The following RNF214 variants were observed in gnomAD, a reference collection of about 807,000 sequenced individuals.
The protein encoded by RNF214 is ring finger protein 214.
A neutral mutation model predicts 75.9 loss-of-function variants in RNF214; 25 were observed. The ratio of observed to expected loss-of-function variants is 0.33; its 90% CI spans 0.24 to 0.46. The LOEUF (loss-of-function observed/expected upper bound fraction) is 0.46, where lower values mean the gene tolerates loss of function less well. Among genes scored for constraint, RNF214 ranks in the 20% least tolerant of loss-of-function variants. The pLI, the probability that RNF214 is intolerant of heterozygous loss-of-function variation, is 1.00. For missense variants in RNF214, 725 were observed against 857.5 expected (o/e 0.85, Z 1.93); for synonymous variants, 314 against 308.8 (o/e 1.02, Z -0.18).
chr11:117,236,487 T>A (rs566192291), intron 2 of RNF214, among the ~76,000 whole-genome samples: 2 of 152,126 alleles, frequency 1.3e-5, no homozygotes, highest in South Asian at 4.1e-4. Context: ...TTGTCCAGGA[T>A]GGTCTCGATC....
chr11:117,251,809 G>T (rs1377686523), intron 6 of RNF214, among the ~76,000 whole-genome samples: 2 of 152,176 alleles, frequency 1.3e-5, no homozygotes, highest in Non-Finnish European at 2.9e-5. Flanking sequence ...TAGAGATATT[G>T]AAGGATTTTA....
intron 4 of RNF214, among the ~76,000 whole-genome samples, chr11:117,243,844 C>T (rs751255626): frequency 2.3e-4 from 35 of 152,290 alleles, no homozygotes; most frequent in Non-Finnish European, 4.3e-4. Flanking sequence ...CTGGAGCCAC[C>T]GTGCCTTGCC....
At chr11:117,245,492 A>T (rs1487727246) in intron 5 of RNF214, among the ~76,000 whole-genome samples, 1 of 151,222 alleles carries the variant, frequency 6.6e-6, no homozygotes, top group Non-Finnish European at 1.5e-5. Context: ...GGCGCCCGCC[A>T]CTACGCCCGG....
chr11:117,235,917 G>A lies in RNF214; in HGVS notation c.107+1538G>A, dbSNP rs534858314. Among the ~76,000 whole-genome samples the A allele has an allele frequency of 2.0e-5, 3 of 152,060 alleles. No homozygotes were observed. In the South Asian group the frequency reaches 6.2e-4, roughly 32 times the overall value. On this transcript the variant is annotated intron_variant, in intron 2 of 14. Coordinates refer to ENST00000300650, the MANE Select transcript of RNF214 (RefSeq NM_207343.4). ...TCCATGGTTGGTTGAGTCCATGAAT[G>A]TGGACCACATTCTACATAAAGAGGC...
intron 6 of RNF214, among the ~76,000 whole-genome samples, chr11:117,273,264 A>G (rs2033947647): frequency 6.6e-6 from 1 of 152,168 alleles, no homozygotes; most frequent in Admixed American, 6.5e-5. Flanking sequence ...CTTTGATACT[A>G]TGCCAAAACT....
rs1256058570 is a variant in RNF214 at position 117,284,929 on chromosome 11, CAAAA to C, written c.2047-153_2047-150del. On this transcript the variant is annotated intron_variant, in intron 14 of 14. Coordinates refer to ENST00000300650, the MANE Select transcript of RNF214 (RefSeq NM_207343.4). The stretch of plus-strand genomic sequence containing the variant: ...TGGGCAATAGAGTGAGACTGGGTCT[CAAAA>C]AAAGAAAAAAGAACAGCAACAAAAA... Among the ~76,000 whole-genome samples the C allele has an allele frequency of 5.3e-5, 8 of 151,692 alleles. No homozygotes were observed. In the East Asian group the frequency reaches 1.6e-3, roughly 29 times the overall value.
intron 6 of RNF214, among the ~76,000 whole-genome samples, chr11:117,260,506 A>G (rs1003939812): frequency 3.9e-5 from 6 of 152,216 alleles, no homozygotes; most frequent in Admixed American, 2.6e-4. Context: ...ATACTTGTCT[A>G]TATACTACAT....
At chr11:117,284,405 T>C (rs947405740) in intron 14 of RNF214, among the ~76,000 whole-genome samples, 2 of 152,218 alleles carry the variant, frequency 1.3e-5, no homozygotes, top group African/African-American at 4.8e-5. Flanking sequence ...AAACTGAATT[T>C]ACATCTAAAT....
At chr11:117,272,526 G>A (rs1300458743) in intron 6 of RNF214, among the ~76,000 whole-genome samples, 2 of 149,352 alleles carry the variant, frequency 1.3e-5, no homozygotes, top group Non-Finnish European at 3.0e-5. Flanking sequence ...GATAGGTGGA[G>A]CAAACCACCA....
chr11:117,243,421 C>T (rs1290004445), intron 4 of RNF214, among the ~76,000 whole-genome samples: 1 of 151,970 alleles, frequency 6.6e-6, no homozygotes, highest in East Asian at 1.9e-4. Context: ...GCTGGGATTA[C>T]AGGCGTGAGC....
intron 6 of RNF214, among the ~76,000 whole-genome samples, chr11:117,252,940 G>T (rs1306763130): frequency 2.6e-5 from 4 of 152,186 alleles, no homozygotes; most frequent in Non-Finnish European, 2.9e-5. Context: ...AATTAAAGAT[G>T]AATTTACTTA....
intron 1 of RNF214, among the ~76,000 whole-genome samples, chr11:117,233,358 G>A (rs2032786945): frequency 6.6e-6 from 1 of 152,160 alleles, no homozygotes; most frequent in Non-Finnish European, 1.5e-5. Context: ...GAGGGTCTGT[G>A]GGCTGTGACT....
intron 6 of RNF214, among the ~76,000 whole-genome samples, chr11:117,255,452 C>T (rs962288191): frequency 6.6e-6 from 1 of 152,036 alleles, no homozygotes; most frequent in African/African-American, 2.4e-5. Flanking sequence ...TTGTAGGTGC[C>T]CTTATTTTTG....
intron 6 of RNF214, among the ~76,000 whole-genome samples, chr11:117,258,690 A>C (rs2033586421): frequency 6.6e-6 from 1 of 152,058 alleles, no homozygotes; most frequent in South Asian, 2.1e-4. Context: ...GCACTTGAGT[A>C]ATTCAGACCC....
At chr11:117,246,193 G>A (rs141722622) in intron 5 of RNF214, among the ~76,000 whole-genome samples, 136 of 151,584 alleles carry the variant, frequency 9.0e-4, no homozygotes, top group Non-Finnish European at 1.5e-3. Flanking sequence ...TCGAACTCCC[G>A]GACACAGTGA....
At chr11:117,278,929 A>G (rs1417150216) in intron 6 of RNF214, among the ~76,000 whole-genome samples, 1 of 152,112 alleles carries the variant, frequency 6.6e-6, no homozygotes, top group Non-Finnish European at 1.5e-5. Context: ...CTGTCTCTAC[A>G]AAAAATAATA....
At chr11:117,263,505 AC>A (rs1392382530) in intron 6 of RNF214, among the ~76,000 whole-genome samples, 2 of 151,638 alleles carry the variant, frequency 1.3e-5, no homozygotes, top group Non-Finnish European at 2.9e-5. Context: ...TGAACTCCTG[AC>A]CTCATGATCC....
intron 6 of RNF214, among the ~76,000 whole-genome samples, chr11:117,264,277 C>T (rs474723): frequency 0.72 from 108,659 of 151,826 alleles, 40,379 homozygotes; most frequent in East Asian, 0.95. Context: ...GAGCCGAGAT[C>T]GCACCACTGC....
chr11:117,275,619 A>T (rs1289850533), intron 6 of RNF214, among the ~76,000 whole-genome samples: 1 of 152,232 alleles, frequency 6.6e-6, no homozygotes. Context: ...ACATATATGT[A>T]TACAAACCAG....
Sources: allele counts gnomAD v4.1 joint callset (sites outside exome capture counted in the v4.1 genomes callset), GRCh38; gene constraint gnomAD v4.1.1; transcripts MANE v1.5; gene names NCBI Gene and HGNC (gene_info 2026-07-23, HGNC 2026-07-21).